The following ACSF3 variants were observed in gnomAD, a reference collection of about 807,000 sequenced individuals.
ACSF3 encodes acyl-CoA synthetase family member 3.
A neutral mutation model predicts 53.2 loss-of-function variants in ACSF3; 78 were observed. The ratio of observed to expected loss-of-function variants is 1.47; its 90% CI spans 1.22 to 1.77. The LOEUF (loss-of-function observed/expected upper bound fraction) is 1.77, where lower values mean the gene tolerates loss of function less well. ACSF3 is among the 40% of genes most tolerant of loss of function. The probability of loss-of-function intolerance (pLI) is 0.00; values close to 1 mark genes in which losing one functional copy is unlikely to be tolerated. For missense variants in ACSF3, 937 were observed against 771.1 expected (o/e 1.22, Z -2.55); for synonymous variants, 414 against 333.1 (o/e 1.24, Z -2.65).
Position 89,119,181 on chromosome 16 carries a change from A to G in ACSF3, c.1127-1620A>G, listed in dbSNP as rs139332293. On this transcript the variant is annotated intron_variant, in intron 6 of 10. Coordinates refer to ENST00000614302, the MANE Select transcript of ACSF3 (RefSeq NM_001243279.3). ...ACTGCTTGGCTGCTGCAGAATCCAG[A>G]CACCATCCCAGAGCCTCTTCAGCCT... 8.5e-3 allele frequency among the ~76,000 whole-genome samples: 1,299 copies of G among 152,200 alleles called. 21 individuals are homozygous for G. The highest frequency in any genetic ancestry group is 0.03 in the African/African-American group (1,258 of 41,536).
intron 4 of ACSF3, among the ~76,000 whole-genome samples, chr16:89,107,823 C>A (rs921806327): frequency 6.6e-6 from 1 of 152,146 alleles, no homozygotes; most frequent in South Asian, 2.1e-4. Flanking sequence ...CACCCCAGCC[C>A]CAAATGTGGC....
At position 89,155,112 on chromosome 16, in the gene ACSF3, C is replaced by T. The variant is rs1164949415; in HGVS notation, c.*905C>T. Reference sequence around the variant, plus strand: ...GTGTTGTGAATGTTGGGTGCACCCACGTTGCATTTACTTAGCGGGGCCAAT... The same window carrying T: ...GTGTTGTGAATGTTGGGTGCACCCATGTTGCATTTACTTAGCGGGGCCAAT... On this transcript the variant is annotated 3_prime_UTR_variant, in exon 11 of 11. Coordinates refer to ENST00000614302, the MANE Select transcript of ACSF3 (RefSeq NM_001243279.3). 7 of 454,046 alleles carry T rather than the reference C, an allele frequency of 1.5e-5. No homozygotes were observed. The highest frequency in any genetic ancestry group is 6.9e-5 in the East Asian group (1 of 14,408). 28.1% of individuals were successfully genotyped at this position (454,046 alleles called of 1,614,324 possible).
intron 10 of ACSF3, among the ~76,000 whole-genome samples, chr16:89,146,819 C>T (rs1567748924): frequency 6.6e-6 from 1 of 152,188 alleles, no homozygotes; most frequent in East Asian, 1.9e-4. Flanking sequence ...ACAGACCCTC[C>T]ACTTTTGCCA....
In ACSF3 at chr16:89,102,028, G is replaced by A. The variant is rs562697863; in HGVS notation, c.667-576G>A. Among the ~76,000 whole-genome samples the A allele has an allele frequency of 3.3e-5, 5 of 152,362 alleles. No homozygotes were observed. The South Asian group carries it at 1.0e-3, about 32-fold the overall frequency. On this transcript the variant is annotated intron_variant, in intron 3 of 10. Transcript: ENST00000614302. ...TTGCTGAGGGGAGTGACATGCACAT[G>A]TGCTTCTCCCTGGAGCCTGTGCAGG... is the stretch of plus-strand genomic sequence containing the variant.
chr16:89,151,935 A>C (rs553178683), intron 10 of ACSF3: 4 of 152,410 alleles, frequency 2.6e-5, no homozygotes, highest in African/African-American at 9.6e-5. Context: ...AAGAAAGATC[A>C]TATCATTTCA....
At position 89,154,593 on chromosome 16, in the gene ACSF3, CT is replaced by C; in HGVS notation, c.*387del. 2.2e-6 allele frequency: 1 copy of C among 458,358 alleles called. No homozygotes were observed. The highest frequency in any genetic ancestry group is 1.6e-5 in the South Asian group (1 of 64,408). 28.4% of individuals were successfully genotyped at this position (458,358 alleles called of 1,614,324 possible). On this transcript the variant is annotated 3_prime_UTR_variant, in exon 11 of 11. Transcript: ENST00000614302. ...AGACTCCACTGGAGGAAACAAGCCC[CT>C]GTCCCACGCCGTCTGCACGTGCCTG...
At chr16:89,096,234 G>C (rs1329100944) in intron 1 of ACSF3, among the ~76,000 whole-genome samples, 1 of 76,542 alleles carries the variant, frequency 1.3e-5, no homozygotes, top group Non-Finnish European at 3.3e-5. Context: ...GTATGAAGCT[G>C]GCTGAGGGTG....
At position 89,106,356 on chromosome 16, in the gene ACSF3, G is replaced by A. The variant is rs530284220; in HGVS notation, c.822+3597G>A. ...TAGCCGGGCTGGAGTGCAGTGGCAC[G>A]ATCTCGGCTCACTGCAACCTCCGCC... On this transcript the variant is annotated intron_variant, in intron 4 of 10. Transcript: ENST00000614302. 2.4e-4 allele frequency among the ~76,000 whole-genome samples: 37 copies of A among 151,294 alleles called. 1 individual carries two copies. In the South Asian group the frequency reaches 7.3e-3, roughly 30 times the overall value.
At position 89,154,997 on chromosome 16, in the gene ACSF3, C is replaced by G. The variant is rs1914562724; in HGVS notation, c.*790C>G. The G allele has an allele frequency of 4.4e-6, 2 of 453,998 alleles. No individual in the cohort carries two copies. The highest frequency in any genetic ancestry group is 8.8e-6 in the Non-Finnish European group (2 of 226,792). 28.1% of individuals were successfully genotyped at this position (453,998 alleles called of 1,614,324 possible). ...ACCCAGACCCCCACCTGCCCCATGG[C>G]CCCCATTTCATGTCTGTGGCTCACC... is the stretch of plus-strand genomic sequence containing the variant. On this transcript the variant is annotated 3_prime_UTR_variant, in exon 11 of 11. Transcript: ENST00000614302.
chr16:89,111,094 C>T (rs1027666277), intron 4 of ACSF3, among the ~76,000 whole-genome samples: 5 of 152,284 alleles, frequency 3.3e-5, no homozygotes, highest in African/African-American at 9.6e-5. Context: ...TTCATCTTTT[C>T]TTTGAAATTC....
intron 4 of ACSF3, among the ~76,000 whole-genome samples, chr16:89,107,238 G>T (rs185880322): frequency 6.6e-6 from 1 of 152,228 alleles, no homozygotes; most frequent in Non-Finnish European, 1.5e-5. Context: ...TCGGCTCTCA[G>T]TGCCCTTCTT....
intron 4 of ACSF3, among the ~76,000 whole-genome samples, chr16:89,103,849 G>C (rs773825320): frequency 1.9e-4 from 29 of 152,246 alleles, no homozygotes; most frequent in Non-Finnish European, 3.4e-4. Context: ...TGGTCACACA[G>C]AGCGCTGGGG....
At chr16:89,119,508 C>T (rs540545492) in intron 6 of ACSF3, among the ~76,000 whole-genome samples, 34 of 152,200 alleles carry the variant, frequency 2.2e-4, no homozygotes, top group Non-Finnish European at 4.1e-4. Flanking sequence ...CGCCGTGCCG[C>T]GCACTGAAAT....
In ACSF3 at chr16:89,093,902, C is replaced by G. The variant is rs1233562740; in HGVS notation, c.-288C>G. On this transcript the variant is annotated 5_prime_UTR_variant, in exon 1 of 11. Coordinates refer to ENST00000614302, the MANE Select transcript of ACSF3 (RefSeq NM_001243279.3). ...CGACTCACGACCCCGCGGGACCCGG[C>G]CGGAACCCGGCCCGACCCCGGCGCG... is the stretch of plus-strand genomic sequence containing the variant. 1 of 326,322 alleles carries G rather than the reference C, an allele frequency of 3.1e-6. No individual in the cohort carries two copies. The highest frequency in any genetic ancestry group is 2.2e-5 in the African/African-American group (1 of 44,796). The allele number at this position is 326,322 out of a possible 1,614,324, so 20.2% of individuals were successfully genotyped here.
chr16:89,123,421 C>G (rs1019824407), intron 7 of ACSF3, among the ~76,000 whole-genome samples: 6 of 152,214 alleles, frequency 3.9e-5, no homozygotes, highest in African/African-American at 1.2e-4. Context: ...CGCAGTAGCC[C>G]TTCTCTCCAC....
At chr16:89,095,015 A>G (rs1020096197) in intron 1 of ACSF3, among the ~76,000 whole-genome samples, 1 of 152,372 alleles carries the variant, frequency 6.6e-6, no homozygotes, top group Non-Finnish European at 1.5e-5. Context: ...TCTGGGGCAT[A>G]GTTGTTGCTT....
chr16:89,143,918 G>A (rs1452813356), intron 8 of ACSF3, among the ~76,000 whole-genome samples: 2 of 152,340 alleles, frequency 1.3e-5, no homozygotes, highest in East Asian at 1.9e-4. Flanking sequence ...ACAGCATGAT[G>A]TATAATGAAG....
intron 10 of ACSF3, among the ~76,000 whole-genome samples, chr16:89,146,401 G>C (rs1317882299): frequency 6.6e-6 from 1 of 152,146 alleles, no homozygotes; most frequent in Non-Finnish European, 1.5e-5. Flanking sequence ...CTGAGATCCA[G>C]GGTTGACACC....
chr16:89,101,139 T>C lies in ACSF3; in HGVS notation c.458T>C (p.Leu153Pro). Residue 153 changes from leucine to proline, a missense_variant, in exon 3 of 11, where the codon CTG becomes CCG. Physicochemically the swap from Leu to Pro is moderately conservative, Grantham distance 98. Transcript: ENST00000614302. ...SSVVLASQEY[L>P]ELLSPVVRKL... ...GTGGTCCTTGCCAGCCAGGAGTACC[T>C]GGAGCTCCTGAGCCCGGTGGTCAGG... The C allele has an allele frequency of 6.2e-7, 1 of 1,613,868 alleles. No homozygotes were observed. Among genetic ancestry groups the C allele is most frequent in the African/African-American group, 1.3e-5 (1 of 75,026 alleles).
Sources: gnomAD v4.1 joint callset for allele counts (sites outside exome capture counted in the v4.1 genomes callset) on GRCh38, gnomAD v4.1.1 for gene constraint, MANE v1.5 for transcripts, NCBI Gene and HGNC (gene_info 2026-07-23, HGNC 2026-07-21) for gene names.